Variants in BBOF1 observed in about 807,000 individuals in gnomAD.
BBOF1 encodes the protein basal body-orientation factor 1.
BBOF1 carries 62 observed loss-of-function variants against 68.0 expected under a neutral mutation model. The observed-to-expected ratio is 0.91, with a 90% CI of 0.74 to 1.13. The LOEUF is 1.13. BBOF1 is among the 50% of genes most tolerant of loss of function. The probability of loss-of-function intolerance (pLI) is 0.00; values close to 1 mark genes in which losing one functional copy is unlikely to be tolerated. For missense variants in BBOF1, 534 were observed against 600.1 expected, an observed-to-expected ratio of 0.89 and a Z score of 1.15; for synonymous variants, 208 against 198.8, an observed-to-expected ratio of 1.05 and a Z score of -0.39.
intron 6 of BBOF1, among the ~76,000 whole-genome samples, chr14:74,047,461 C>T (rs555799707): frequency 3.3e-5 from 5 of 149,406 alleles, no homozygotes; most frequent in East Asian, 3.9e-4. Context: ...GACAGGGTCT[C>T]GCTCTGTCAC....
intron 11 of BBOF1, chr14:74,058,050 A>C (rs1180693526): frequency 7.3e-6 from 3 of 413,270 alleles, no homozygotes; most frequent in Non-Finnish European, 9.8e-6. Flanking sequence ...TACCAGGGCC[A>C]GGTGCGGTGG....
At chr14:74,078,401 T>C (rs1013327966) in intron 10 of BBOF1, 1 of 356,150 alleles carries the variant, frequency 2.8e-6, no homozygotes, top group Non-Finnish European at 5.5e-6. Flanking sequence ...TCTCCTAGGC[T>C]GGAATGCAGT....
chr14:74,041,116 G>A (rs1186084018), intron 5 of BBOF1, among the ~76,000 whole-genome samples: 4 of 152,094 alleles, frequency 2.6e-5, no homozygotes, highest in Non-Finnish European at 4.4e-5. Context: ...TCAGGAGTTC[G>A]AGACCAGCCT....
intron 9 of BBOF1, 78 bp downstream of exon 9, chr14:74,055,763 TCTTA>T: frequency 8.6e-7 from 1 of 1,161,232 alleles, no homozygotes. Flanking sequence ...AACTTATTTT[TCTTA>T]CTTAGAACTA....
intron 4 of BBOF1, among the ~76,000 whole-genome samples, chr14:74,038,362 CA>C (rs2141024202): frequency 6.6e-6 from 1 of 152,276 alleles, no homozygotes; most frequent in Non-Finnish European, 1.5e-5. Flanking sequence ...ATTCTGAATT[CA>C]AATGAATTAA....
At chr14:74,070,967 A>C (rs2060540988), downstream of BBOF1, 2 of 565,964 alleles carry the variant, frequency 3.5e-6, no homozygotes, top group Non-Finnish European at 6.3e-6. Context: ...GCCCTAATCC[A>C]TATTTCTAGT....
Position 74,065,162 on chromosome 14 carries a change from A to G in BBOF1, c.*463A>G. On this transcript the variant is annotated 3_prime_UTR_variant, in exon 12 of 12. Coordinates refer to ENST00000394009, the MANE Select transcript of BBOF1 (RefSeq NM_025057.3). ...TAGTAAATGGATATAAGAATCTCTT[A>G]AAAATTCTGTTCACGAACCTGTCCA... 1 of 1,613,470 alleles carries G rather than the reference A, an allele frequency of 6.2e-7. No individual in the cohort carries two copies. The highest frequency in any genetic ancestry group is 1.1e-5 in the South Asian group (1 of 91,076).
chr14:74,028,509 CACAA>C (rs1438061837), intron 2 of BBOF1, among the ~76,000 whole-genome samples: 1 of 96,028 alleles, frequency 1.0e-5, no homozygotes. Context: ...CACACACACA[CACAA>C]ATAGAGGGAA....
At chr14:74,040,882 G>A (rs145569456) in intron 5 of BBOF1, 40 of 486,286 alleles carry the variant, frequency 8.2e-5, no homozygotes, top group African/African-American at 7.1e-4. Context: ...TTTGGGACAT[G>A]TCTCCCTCAG....
intron 1 of BBOF1, among the ~76,000 whole-genome samples, chr14:74,021,764 G>A (rs1594997429): frequency 1.3e-5 from 2 of 151,926 alleles, no homozygotes; most frequent in Non-Finnish European, 2.9e-5. Context: ...AAAATTAGCC[G>A]GGCCTGGTGG....
chr14:74,066,690 G>A, downstream of BBOF1: 1 of 1,612,496 alleles, frequency 6.2e-7, no homozygotes, highest in Middle Eastern at 1.7e-4. Context: ...TATTTGTGAA[G>A]TGAAAGTTGT....
intron 10 of BBOF1, among the ~76,000 whole-genome samples, chr14:74,079,911 A>T (rs1595135030): frequency 6.6e-6 from 1 of 152,028 alleles, no homozygotes; most frequent in Non-Finnish European, 1.5e-5. Context: ...GGTCATGTGC[A>T]CCTGTGGTCC....
At chr14:74,062,430 C>T (rs1241866933) in intron 11 of BBOF1, among the ~76,000 whole-genome samples, 1 of 152,034 alleles carries the variant, frequency 6.6e-6, no homozygotes, top group Admixed American at 6.6e-5. Context: ...GGCGAAACCC[C>T]GTCTCTACTA....
At chr14:74,045,373 G>A (rs913174573) in intron 5 of BBOF1, among the ~76,000 whole-genome samples, 20 of 151,998 alleles carry the variant, frequency 1.3e-4, no homozygotes, top group African/African-American at 4.3e-4. Context: ...GCAATGGCGC[G>A]ATCTTGGCTT....
rs771440193 is a variant in BBOF1 at position 74,072,316 on chromosome 14, T to C, written n.1380-5880T>C. The C allele has an allele frequency of 2.5e-5, 40 of 1,614,208 alleles. No homozygotes were observed. Among genetic ancestry groups the C allele is most frequent in the East Asian group, 8.9e-5 (4 of 44,872 alleles). On this transcript the variant is annotated intron_variant and non_coding_transcript_variant, in intron 9 of 12. Coordinates refer to the BBOF1 transcript ENST00000492026. ...TTGCAGGAAGCAATGGCTGCATCCA[T>C]TTCTGCCTTGGTGGCCTGAGGGACC...
At chr14:74,072,331 C>G in intron 9 of BBOF1, 1 of 1,614,182 alleles carries the variant, frequency 6.2e-7, no homozygotes, top group East Asian at 2.2e-5. Flanking sequence ...GCCTTGGTGG[C>G]CTGAGGGACC....
At chr14:74,043,552 G>A (rs1285990924) in intron 5 of BBOF1, among the ~76,000 whole-genome samples, 2 of 80,484 alleles carry the variant, frequency 2.5e-5, no homozygotes, top group African/African-American at 5.1e-5. Flanking sequence ...GCGAGACTCC[G>A]TCTCAAAAAA....
At chr14:74,071,794 C>T (rs1321325974) in intron 9 of BBOF1, 25 of 1,496,552 alleles carry the variant, frequency 1.7e-5, no homozygotes, top group Non-Finnish European at 2.2e-5. Flanking sequence ...CATGGGATGG[C>T]AAAATCTATG....
chr14:74,071,355 C>T, intron 9 of BBOF1: 1 of 1,614,124 alleles, frequency 6.2e-7, no homozygotes, highest in Non-Finnish European at 8.5e-7. Context: ...AAAGGGGGAT[C>T]ATGGCAGGAA....
Sources: gnomAD v4.1 joint callset for allele counts (sites outside exome capture counted in the v4.1 genomes callset) on GRCh38, gnomAD v4.1.1 for gene constraint, MANE v1.5 for transcripts, NCBI Gene and HGNC (gene_info 2026-07-23, HGNC 2026-07-21) for gene names.